The following CSMD1 variants were observed in gnomAD, a reference collection of about 807,000 sequenced individuals.
The protein encoded by CSMD1 is CUB and Sushi multiple domains 1, also known as CUB and sushi domain-containing protein 1.
A neutral mutation model predicts 417.5 loss-of-function variants in CSMD1; 213 were observed. The observed-to-expected ratio is 0.51, with a 90% CI of 0.46 to 0.57. The LOEUF (loss-of-function observed/expected upper bound fraction) is 0.57, where lower values mean the gene tolerates loss of function less well. Ranked by LOEUF, CSMD1 falls within the 20% of genes least tolerant of loss-of-function variation. CSMD1 has a pLI of 0.00. For synonymous variants in CSMD1, 2,862 were observed against 1,736.8 expected (o/e 1.65, Z -16.11); for missense variants, 6,923 against 4,529.7 (o/e 1.53, Z -15.17).
At chr8:4,063,260 C>T (rs918278202) in intron 3 of CSMD1, among the ~76,000 whole-genome samples, 1 of 145,506 alleles carries the variant, frequency 6.9e-6, no homozygotes, top group Non-Finnish European at 1.5e-5. Flanking sequence ...TAAATATGTA[C>T]AGTTATTACA....
chr8:4,935,212 T>C (rs1258139194), intron 1 of CSMD1, among the ~76,000 whole-genome samples: 1 of 152,202 alleles, frequency 6.6e-6, no homozygotes, highest in Non-Finnish European at 1.5e-5. Context: ...TTCCCATATG[T>C]GGTCCCTGGA....
intron 1 of CSMD1, among the ~76,000 whole-genome samples, chr8:4,783,848 T>C (rs1033275515): frequency 6.6e-6 from 1 of 152,326 alleles, no homozygotes; most frequent in African/African-American, 2.4e-5. Flanking sequence ...ATTGGTGATA[T>C]CACTCCTCTA....
chr8:3,299,339 C>G (rs1227054359), intron 25 of CSMD1, among the ~76,000 whole-genome samples: 3 of 152,216 alleles, frequency 2.0e-5, no homozygotes, highest in East Asian at 3.9e-4. Flanking sequence ...GTAATCCCAG[C>G]TACTCAGGAG....
intron 5 of CSMD1, among the ~76,000 whole-genome samples, chr8:3,961,184 A>G (rs985809108): frequency 6.6e-6 from 1 of 152,192 alleles, no homozygotes; most frequent in Admixed American, 6.5e-5. Context: ...TTCTCTGCCT[A>G]TAAGCATGAA....
chr8:4,623,742 T>C (rs1801920008), intron 2 of CSMD1, among the ~76,000 whole-genome samples: 1 of 151,958 alleles, frequency 6.6e-6, no homozygotes, highest in African/African-American at 2.4e-5. Flanking sequence ...TGTGTGTGTG[T>C]ATATATATAT....
At chr8:3,279,142 C>T (rs1163988894) in intron 26 of CSMD1, 2 of 152,138 alleles carry the variant, frequency 1.3e-5, no homozygotes, top group African/African-American at 2.4e-5. Context: ...AGACCAGCGT[C>T]TTCGTGTTCC....
intron 23 of CSMD1, among the ~76,000 whole-genome samples, chr8:3,333,259 C>T (rs573383704): frequency 6.6e-6 from 1 of 152,204 alleles, no homozygotes; most frequent in East Asian, 1.9e-4. Flanking sequence ...TGTCTGGGCT[C>T]CTGACCCACG....
chr8:4,303,781 G>C (rs556664724), intron 3 of CSMD1, among the ~76,000 whole-genome samples: 1 of 151,944 alleles, frequency 6.6e-6, no homozygotes, highest in East Asian at 1.9e-4. Context: ...TCAGCCTCCT[G>C]AGTAGCTGGG....
intron 1 of CSMD1, among the ~76,000 whole-genome samples, chr8:4,668,250 A>C (rs1805062814): frequency 6.6e-6 from 1 of 151,910 alleles, no homozygotes; most frequent in African/African-American, 2.4e-5. Context: ...GAAAAGCCCA[A>C]ACCACAAACC....
At chr8:3,440,488 G>T (rs866031137) in intron 12 of CSMD1, among the ~76,000 whole-genome samples, 2 of 152,140 alleles carry the variant, frequency 1.3e-5, no homozygotes, top group South Asian at 2.1e-4. Flanking sequence ...TGTTGTTGTT[G>T]TTCATCCTGT....
intron 4 of CSMD1, among the ~76,000 whole-genome samples, chr8:4,002,670 T>G (rs530339112): frequency 6.6e-6 from 1 of 152,306 alleles, no homozygotes; most frequent in Admixed American, 6.5e-5. Flanking sequence ...CTGACAGAAA[T>G]GGGAACCATT....
intron 1 of CSMD1, among the ~76,000 whole-genome samples, chr8:4,737,131 A>T (rs1309221473): frequency 6.6e-6 from 1 of 151,096 alleles, no homozygotes; most frequent in Non-Finnish European, 1.5e-5. Flanking sequence ...TGGTACATCC[A>T]TACCATGGAA....
chr8:3,304,261 C>T (rs1049602277), intron 25 of CSMD1, among the ~76,000 whole-genome samples: 4 of 152,028 alleles, frequency 2.6e-5, no homozygotes, highest in Non-Finnish European at 5.9e-5. Flanking sequence ...TTCTCATTTT[C>T]AAGTTAACAT....
chr8:4,549,661 G>C lies in CSMD1; in HGVS notation c.302+87681C>G, dbSNP rs781618811. Among the ~76,000 whole-genome samples, 39 of 152,150 alleles carry C rather than the reference G, an allele frequency of 2.6e-4. 1 individual carries two copies. The Middle Eastern group carries it at 0.014, about 53-fold the overall frequency. ...CCCAGCACCTTGGGAGGCTGAGGCAGGAAGATCACTTGAGTTCAGGAGTTC... is the reference window on the plus strand; with the variant it reads ...CCCAGCACCTTGGGAGGCTGAGGCACGAAGATCACTTGAGTTCAGGAGTTC... On this transcript the variant is annotated intron_variant, in intron 2 of 69. Transcript: ENST00000635120.
intron 3 of CSMD1, among the ~76,000 whole-genome samples, chr8:4,187,289 T>C (rs1298729303): frequency 6.6e-6 from 1 of 152,198 alleles, no homozygotes; most frequent in Non-Finnish European, 1.5e-5. Context: ...ACTGATGCTC[T>C]TTCAGTCATA....
intron 10 of CSMD1, among the ~76,000 whole-genome samples, chr8:3,556,505 C>G (rs146726633): frequency 1.6e-5 from 2 of 126,166 alleles, no homozygotes; most frequent in African/African-American, 6.6e-5. Flanking sequence ...ATACAAACTT[C>G]TTTTTCACAC....
intron 3 of CSMD1, among the ~76,000 whole-genome samples, chr8:4,136,113 T>C (rs571961474): frequency 6.6e-6 from 1 of 152,318 alleles, no homozygotes; most frequent in African/African-American, 2.4e-5. Context: ...TGAAGGAAAC[T>C]TTCCAAAGGA....
chr8:3,859,541 G>A (rs931921226), intron 5 of CSMD1, among the ~76,000 whole-genome samples: 1 of 152,134 alleles, frequency 6.6e-6, no homozygotes, highest in African/African-American at 2.4e-5. Context: ...ATTTCAGGGC[G>A]AGGCTAACTA....
At chr8:3,660,568 A>C (rs1798363234) in intron 7 of CSMD1, among the ~76,000 whole-genome samples, 19 of 110,972 alleles carry the variant, frequency 1.7e-4, no homozygotes, top group Admixed American at 5.0e-4. Flanking sequence ...CAGTCCAGGC[A>C]AGAGTGCAGT....
Sources: gnomAD v4.1 joint callset for allele counts (sites outside exome capture counted in the v4.1 genomes callset) on GRCh38, gnomAD v4.1.1 for gene constraint, MANE v1.5 for transcripts, NCBI Gene and HGNC (gene_info 2026-07-23, HGNC 2026-07-21) for gene names.